The following GATA6 variants were observed in gnomAD, a reference collection of about 807,000 sequenced individuals.
GATA6 encodes GATA binding protein 6.
GATA6 carries 11 observed loss-of-function variants against 48.1 expected under a neutral mutation model. The observed-to-expected ratio is 0.23, with a 90% CI of 0.14 to 0.38. The LOEUF is 0.38. Among genes scored for constraint, GATA6 ranks in the 10% least tolerant of loss-of-function variants. The pLI, the probability that GATA6 is intolerant of heterozygous loss-of-function variation, is 1.00. For synonymous variants in GATA6, 419 were observed against 396.1 expected (o/e 1.06, Z -0.69); for missense variants, 795 against 850.3 (o/e 0.93, Z 0.81).
In GATA6 at chr18:22,200,933, C is replaced by A; in HGVS notation, c.*110C>A. 2 of 1,149,620 alleles carry A rather than the reference C, an allele frequency of 1.7e-6. No individual in the cohort carries two copies. The highest frequency in any genetic ancestry group is 1.2e-6 in the Non-Finnish European group (1 of 816,216). 71.2% of individuals were successfully genotyped at this position (1,149,620 alleles called of 1,614,324 possible). On this transcript the variant is annotated 3_prime_UTR_variant, in exon 7 of 7. Transcript: ENST00000269216. ...GCGACTGCGCTGACAGAACGTGATT[C>A]TCGTGCCTTTATTTTGAAAGAGATG... is the stretch of plus-strand genomic sequence containing the variant.
At position 22,172,104 on chromosome 18, in the gene GATA6, C is replaced by T; in HGVS notation, c.960C>T (p.Asn320=). The part of the protein sequence containing the change: ...YSSLSAARPL[N]GTYHHHHHHH... Reference sequence around the variant, plus strand: ...CGCTGTCGGCCGCGCGGCCGCTGAACGGGACGTACCACCACCACCACCACC... The same window carrying T: ...CGCTGTCGGCCGCGCGGCCGCTGAATGGGACGTACCACCACCACCACCACC... The change falls in exon 2 of 7, where the codon AAC becomes AAT. Residue 320 remains asparagine (N), a synonymous_variant. Coordinates refer to ENST00000269216, the MANE Select transcript of GATA6 (RefSeq NM_005257.6). The surrounding 1 kb of genome is among the most constrained non-coding windows in gnomAD (Gnocchi z 5.2). 1.3e-6 allele frequency: 2 copies of T among 1,491,576 alleles called. No homozygotes were observed. Among genetic ancestry groups the T allele is most frequent in the Non-Finnish European group, 1.8e-6 (2 of 1,125,934 alleles). The allele number at this position is 1,491,576 out of a possible 1,614,324, so 92.4% of individuals were successfully genotyped here.
chr18:22,196,680 G>A (rs2033393408), intron 6 of GATA6, among the ~76,000 whole-genome samples: 1 of 152,050 alleles, frequency 6.6e-6, no homozygotes, highest in Non-Finnish European at 1.5e-5. Flanking sequence ...GGTGGAGGTT[G>A]CAGTGAGCCA....
Position 22,172,219 on chromosome 18 carries a change from C to T in GATA6, c.1075C>T (p.Leu359=). 1 of 1,534,434 alleles carries T rather than the reference C, an allele frequency of 6.5e-7. No homozygotes were observed. The change falls in exon 2 of 7, where the codon CTG becomes TTG. Residue 359 remains leucine (L), a synonymous_variant. Coordinates refer to ENST00000269216, the MANE Select transcript of GATA6 (RefSeq NM_005257.6). This position sits in a 1 kb window ranked among gnomAD's most constrained non-coding sequence, Gnocchi z 5.2. Reference sequence around the variant, plus strand: ...CGCCGGACCCTTCGAGACCCCGGTGCTGCACAGCCTGCAGAGCCGCGCCGG... The same window carrying T: ...CGCCGGACCCTTCGAGACCCCGGTGTTGCACAGCCTGCAGAGCCGCGCCGG... ...WPAGPFETPV[L]HSLQSRAGAP...
chr18:22,170,325 C>A lies in GATA6; in HGVS notation c.-38+643C>A, dbSNP rs960556642. Reference sequence around the variant, plus strand: ...GTGGCCCGGCCGGCGTGAGCGCGCACGCTGGTGGCTGCAGGCGCGGGCCGT... The same window carrying A: ...GTGGCCCGGCCGGCGTGAGCGCGCAAGCTGGTGGCTGCAGGCGCGGGCCGT... On this transcript the variant is annotated intron_variant, in intron 1 of 6. Transcript: ENST00000269216. This position sits in a 1 kb window ranked among gnomAD's most constrained non-coding sequence, Gnocchi z 6.7. Among the ~76,000 whole-genome samples the A allele has an allele frequency of 2.0e-5, 3 of 152,222 alleles. No individual in the cohort carries two copies. The highest frequency in any genetic ancestry group is 7.2e-5 in the African/African-American group (3 of 41,464).
chr18:22,187,981 A>G (rs1249562836), intron 6 of GATA6, among the ~76,000 whole-genome samples: 10 of 152,204 alleles, frequency 6.6e-5, no homozygotes, highest in Non-Finnish European at 1.5e-4. Context: ...TCACGCCTGT[A>G]ATCCCAGTTC....
chr18:22,195,248 G>T (rs2033376341), intron 6 of GATA6, among the ~76,000 whole-genome samples: 2 of 152,204 alleles, frequency 1.3e-5, no homozygotes, highest in Non-Finnish European at 2.9e-5. Flanking sequence ...ATTCACATGT[G>T]CGTGGCTGGC....
intron 4 of GATA6, among the ~76,000 whole-genome samples, 154 bp downstream of exon 4, chr18:22,181,732 T>A (rs1350062211): frequency 1.3e-5 from 2 of 152,224 alleles, no homozygotes; most frequent in Non-Finnish European, 2.9e-5. Context: ...TCAGTGTACA[T>A]ACTGAATATA....
chr18:22,176,163 T>C (rs186854458), intron 2 of GATA6, among the ~76,000 whole-genome samples: 3 of 152,330 alleles, frequency 2.0e-5, no homozygotes, highest in Non-Finnish European at 4.4e-5. Context: ...AAATGATCAC[T>C]GGGAAGGTCT....
intron 6 of GATA6, among the ~76,000 whole-genome samples, chr18:22,191,066 T>A (rs1280602652): frequency 7.2e-6 from 1 of 138,536 alleles, no homozygotes; most frequent in East Asian, 2.0e-4. Context: ...TGTGTGTGTG[T>A]GTGTGTGACA....
chr18:22,182,119 C>A (rs999945957), intron 4 of GATA6, among the ~76,000 whole-genome samples: 1 of 152,114 alleles, frequency 6.6e-6, no homozygotes, highest in Non-Finnish European at 1.5e-5. Context: ...AGAAAAATAA[C>A]CTTGCATCTG....
At chr18:22,181,949 A>G (rs530545253) in intron 4 of GATA6, among the ~76,000 whole-genome samples, 1 of 152,340 alleles carries the variant, frequency 6.6e-6, no homozygotes, top group South Asian at 2.1e-4. Context: ...TAAGGAAATC[A>G]ATAAAAAATG....
At chr18:22,183,560 C>A (rs1444949838) in intron 6 of GATA6, among the ~76,000 whole-genome samples, 3 of 152,154 alleles carry the variant, frequency 2.0e-5, no homozygotes, top group African/African-American at 7.2e-5. Context: ...ATTTCCTTTG[C>A]CCAATTGTGT....
chr18:22,183,154 A>C, intron 6 of GATA6, 111 bp downstream of exon 6: 2 of 842,990 alleles, frequency 2.4e-6, no homozygotes, highest in Non-Finnish European at 4.0e-6. Context: ...AGTTCAGTTT[A>C]GTTAGTTGAT....
chr18:22,170,653 G>A lies in GATA6; in HGVS notation c.-37-455G>A, dbSNP rs1016961419. ...TCACCCCGAGGCATTTCGGGAGAGG[G>A]GCATCCGCAGAGAGGCGGGATGCGG... is the stretch of plus-strand genomic sequence containing the variant. On this transcript the variant is annotated intron_variant, in intron 1 of 6. Transcript: ENST00000269216. This position sits in a 1 kb window ranked among gnomAD's most constrained non-coding sequence, Gnocchi z 6.7. Among the ~76,000 whole-genome samples the A allele has an allele frequency of 2.0e-5, 3 of 152,184 alleles. No individual in the cohort carries two copies. Among genetic ancestry groups the A allele is most frequent in the African/African-American group, 7.2e-5 (3 of 41,450 alleles).
chr18:22,176,131 T>C (rs2033118648), intron 2 of GATA6, among the ~76,000 whole-genome samples: 2 of 152,220 alleles, frequency 1.3e-5, no homozygotes, highest in Admixed American at 1.3e-4. Context: ...AATAAACACA[T>C]TTTAAATCGA....
rs2033197754 is a variant in GATA6, at chr18:22,181,672, A to G, written c.1428+94A>G. 3 of 1,432,130 alleles carry G rather than the reference A, an allele frequency of 2.1e-6. No individual in the cohort carries two copies. The Admixed American group carries it at 5.1e-5, about 24-fold the overall frequency. The allele number at this position is 1,432,130 out of a possible 1,614,324, so 88.7% of individuals were successfully genotyped here. ...AGAATCAGCAAATGAAAGATACTCA[A>G]GTGAAAAATTTGAATGCATATAATT... is the stretch of plus-strand genomic sequence containing the variant. On this transcript the variant is annotated intron_variant, in intron 4 of 6. Transcript: ENST00000269216.
intron 2 of GATA6, among the ~76,000 whole-genome samples, chr18:22,173,939 T>G (rs1421360020): frequency 6.6e-6 from 1 of 152,228 alleles, no homozygotes; most frequent in Non-Finnish European, 1.5e-5. Flanking sequence ...CCAGCGAAAT[T>G]CCCTCTTTTT....
rs1023324008 is a variant in GATA6, at chr18:22,182,960, C to G, written c.1537C>G (p.Pro513Ala). Reference protein sequence around the residue: ...TCSGNSNNSIPMTPTSTSSNS... With the variant: ...TCSGNSNNSIAMTPTSTSSNS... Reference sequence around the variant, plus strand: ...TGCAGGTAATAGCAATAATTCCATTCCCATGACTCCAACTTCCACCTCTTC... The same window carrying G: ...TGCAGGTAATAGCAATAATTCCATTGCCATGACTCCAACTTCCACCTCTTC... The change falls in exon 6 of 7, where the codon CCC becomes GCC. Residue 513 changes from proline (P) to alanine (A), a missense_variant. Around this residue, in one of 5 missense-constraint regions of GATA6, gnomAD observed 24 missense variants for 43.6 expected, o/e 0.55. Coordinates refer to ENST00000269216, the MANE Select transcript of GATA6 (RefSeq NM_005257.6). 6.2e-7 allele frequency: 1 copy of G among 1,613,732 alleles called. No homozygotes were observed. The highest frequency in any genetic ancestry group is 1.3e-5 in the African/African-American group (1 of 74,898).
At chr18:22,176,151 CAA>C (rs34418692) in intron 2 of GATA6, among the ~76,000 whole-genome samples, 27 of 152,258 alleles carry the variant, frequency 1.8e-4, no homozygotes, top group South Asian at 6.2e-4. Flanking sequence ...ATTGCTAACT[CAA>C]AATGATCACT....
Sources: gnomAD v4.1 joint callset for allele counts (sites outside exome capture counted in the v4.1 genomes callset) on GRCh38, gnomAD v4.1.1 for gene constraint, gnomAD v4.1.1 regional missense constraint, Gnocchi (gnomAD v3.1) non-coding constraint, MANE v1.5 for transcripts, NCBI Gene and HGNC (gene_info 2026-07-23, HGNC 2026-07-21) for gene names.